The following INSC variants were observed in gnomAD, a reference collection of about 807,000 sequenced individuals.
The protein encoded by INSC is INSC spindle orientation adaptor protein, also known as protein inscuteable homolog.
In INSC, 67 loss-of-function variants were observed where a neutral mutation model predicts 58.6. The observed-to-expected ratio is 1.14, with a 90% CI of 0.94 to 1.40. The LOEUF (loss-of-function observed/expected upper bound fraction) is 1.40. INSC is among the 40% of genes most tolerant of loss of function. The pLI, the probability that INSC is intolerant of heterozygous loss-of-function variation, is 0.00. For synonymous variants in INSC, 262 were observed against 276.1 expected (o/e 0.95, Z 0.51); for missense variants, 714 against 692.0 (o/e 1.03, Z -0.36).
At chr11:15,157,736 CTTA>C (rs1054405979) in intron 2 of INSC, among the ~76,000 whole-genome samples, 1 of 152,166 alleles carries the variant, frequency 6.6e-6, no homozygotes, top group African/African-American at 2.4e-5. Context: ...GAGAAGGGCA[CTTA>C]TTATGTGGCG....
chr11:15,218,334 A>G lies in INSC; in HGVS notation c.820-3143A>G, dbSNP rs75475032. Reference sequence around the variant, plus strand: ...CAAGTACAAATCTTGTAAAACTAACAGTGGATACCTTCAATAAACCTCTGA... The same window carrying G: ...CAAGTACAAATCTTGTAAAACTAACGGTGGATACCTTCAATAAACCTCTGA... On this transcript the variant is annotated intron_variant, in intron 7 of 12. Coordinates refer to ENST00000379556, the MANE Select transcript of INSC (RefSeq NM_001042536.3). Among the ~76,000 whole-genome samples, 542 of 152,336 alleles carry G rather than the reference A, an allele frequency of 3.6e-3. 2 individuals are homozygous for G. Among genetic ancestry groups the G allele is most frequent in the African/African-American group, 0.012 (518 of 41,576 alleles).
intron 2 of INSC, among the ~76,000 whole-genome samples, chr11:15,169,692 T>C (rs374461303): frequency 6.6e-6 from 1 of 151,684 alleles, no homozygotes; most frequent in East Asian, 1.9e-4. Flanking sequence ...CAGGCGTGTG[T>C]CACCACACCC....
chr11:15,157,980 G>C (rs894213351), intron 2 of INSC, among the ~76,000 whole-genome samples: 1 of 152,150 alleles, frequency 6.6e-6, no homozygotes, highest in African/African-American at 2.4e-5. Flanking sequence ...CTCAGCGAGG[G>C]CAGCAGCTTC....
At chr11:15,264,122 A>G in the INSC span, among the ~76,000 whole-genome samples, 2 of 100,740 alleles carry the variant, frequency 2.0e-5, no homozygotes, top group South Asian at 4.0e-4. Context: ...AATTACATCT[A>G]CCAGTAGCCT....
At chr11:15,188,990 A>T (rs1206564238) in intron 5 of INSC, among the ~76,000 whole-genome samples, 3 of 152,228 alleles carry the variant, frequency 2.0e-5, no homozygotes, top group Non-Finnish European at 4.4e-5. Flanking sequence ...TGAATCTCTA[A>T]CAAGAGGCAT....
chr11:15,227,407 G>A (rs544959977), intron 9 of INSC, among the ~76,000 whole-genome samples: 1 of 152,296 alleles, frequency 6.6e-6, no homozygotes, highest in African/African-American at 2.4e-5. Context: ...GATATGCAAG[G>A]ACCTGATGTA....
At chr11:15,208,975 G>A (rs986734287) in intron 7 of INSC, among the ~76,000 whole-genome samples, 2 of 152,228 alleles carry the variant, frequency 1.3e-5, no homozygotes, top group African/African-American at 4.8e-5. Flanking sequence ...ATTCAGGGCA[G>A]TGAGGGCTTT....
chr11:15,222,264 CT>C (rs1451601129), intron 8 of INSC, among the ~76,000 whole-genome samples: 1 of 152,168 alleles, frequency 6.6e-6, no homozygotes, highest in East Asian at 1.9e-4. Context: ...ACTGAAAGCG[CT>C]TGTCTGGATA....
downstream of INSC, among the ~76,000 whole-genome samples, chr11:15,248,437 C>T (rs117785653): frequency 1.3e-3 from 202 of 152,262 alleles, 5 homozygotes; most frequent in East Asian, 0.034. Flanking sequence ...AAAATAGTTT[C>T]GACCTCACAG....
At chr11:15,213,466 T>C (rs58369322) in intron 7 of INSC, among the ~76,000 whole-genome samples, 3,079 of 152,252 alleles carry the variant, frequency 0.02, 118 homozygotes, top group African/African-American at 0.072. Flanking sequence ...CAGTAGTGCT[T>C]TGCTGAAAAC....
At chr11:15,264,130 C>G in the INSC span, among the ~76,000 whole-genome samples, 3 of 91,110 alleles carry the variant, frequency 3.3e-5, no homozygotes, top group African/African-American at 1.2e-4. Context: ...CTACCAGTAG[C>G]CTTAATTATT....
At chr11:15,247,535 T>C (rs575701935), downstream of INSC, among the ~76,000 whole-genome samples, 31 of 152,136 alleles carry the variant, frequency 2.0e-4, no homozygotes, top group African/African-American at 7.5e-4. Flanking sequence ...ATTAACCAGG[T>C]GCCATGGACT....
intron 7 of INSC, among the ~76,000 whole-genome samples, chr11:15,220,658 C>T (rs1589985355): frequency 1.3e-5 from 2 of 152,152 alleles, no homozygotes; most frequent in South Asian, 2.1e-4. Flanking sequence ...TAATACTGAC[C>T]TCAGAGGGTT....
the INSC span, among the ~76,000 whole-genome samples, chr11:15,257,945 A>T: frequency 2.0e-5 from 3 of 152,136 alleles, no homozygotes; most frequent in Admixed American, 2.0e-4. Context: ...AAACTAAAAC[A>T]CATGGGAAAG....
At chr11:15,182,365 A>T (rs1046555576) in intron 5 of INSC, among the ~76,000 whole-genome samples, 11 of 152,138 alleles carry the variant, frequency 7.2e-5, no homozygotes, top group Admixed American at 2.0e-4. Flanking sequence ...GATGTCAGTC[A>T]GTTTATTTCA....
chr11:15,212,846 T>C (rs1320627949), intron 7 of INSC, among the ~76,000 whole-genome samples: 1 of 152,224 alleles, frequency 6.6e-6, no homozygotes, highest in East Asian at 1.9e-4. Flanking sequence ...TCTGATTGCA[T>C]TGGGCAGTAT....
chr11:15,235,862 C>A lies in INSC; in HGVS notation c.1237+194C>A, dbSNP rs139908405. 2.6e-3 allele frequency among the ~76,000 whole-genome samples: 401 copies of A among 152,010 alleles called. 2 individuals carry two copies. Among genetic ancestry groups the A allele is most frequent in the African/African-American group, 9.3e-3 (384 of 41,466 alleles). On this transcript the variant is annotated intron_variant, in intron 10 of 12. Transcript: ENST00000379556. ...ACTGAGGTAAGGAGTTCGAGACCAG[C>A]CTGAGCAACATGGTGAAACCCTGTC...
rs199801018 is a variant in INSC, at chr11:15,178,366, G to T, written c.498G>T (p.Lys166Asn). Residue 166 changes from lysine (K) to asparagine (N), a missense_variant, in exon 5 of 13, where the codon AAG (lysine) becomes AAT (asparagine). By Grantham distance (94) the Lys-to-Asn change is moderately conservative (BLOSUM62 0). Coordinates refer to ENST00000379556, the MANE Select transcript of INSC (RefSeq NM_001042536.3). Reference protein sequence around the residue: ...VENEHVLKSMKACVSETLSML... With the variant: ...VENEHVLKSMNACVSETLSML... The stretch of plus-strand genomic sequence containing the variant: ...ATGAGCATGTCCTGAAGTCAATGAA[G>T]GCCTGCGTGAGTGAGACCCTGAGCA... 2.3e-3 allele frequency: 3,788 copies of T among 1,613,904 alleles called. 7 individuals carry two copies. The highest frequency in any genetic ancestry group is 2.3e-3 in the Non-Finnish European group (2,724 of 1,180,022).
At chr11:15,171,302 T>C (rs1849388358) in intron 2 of INSC, among the ~76,000 whole-genome samples, 1 of 152,124 alleles carries the variant, frequency 6.6e-6, no homozygotes, top group Non-Finnish European at 1.5e-5. Context: ...TTTGGCTGTT[T>C]TCCAGTCCTA....
Sources: allele counts gnomAD v4.1 joint callset (sites outside exome capture counted in the v4.1 genomes callset), GRCh38; gene constraint gnomAD v4.1.1; transcripts MANE v1.5; gene names NCBI Gene and HGNC (gene_info 2026-07-23, HGNC 2026-07-21).